ATAD3B: variants seen among roughly 807,000 people sequenced by gnomAD.
ATAD3B encodes the protein ATPase family AAA domain containing 3B.
Under a neutral mutation model 70.2 loss-of-function variants are expected in ATAD3B, and 59 were observed. The observed-to-expected ratio is 0.84, with a 90% CI of 0.68 to 1.04. The LOEUF is 1.04. Ranked by LOEUF, ATAD3B falls within the 50% of genes least tolerant of loss-of-function variation. ATAD3B has a pLI of 0.00. For synonymous variants in ATAD3B, 423 were observed against 388.6 expected (o/e 1.09, Z -1.04); for missense variants, 961 against 913.4 (o/e 1.05, Z -0.67).
intron 15 of ATAD3B, 31 bp downstream of exon 15, chr1:1,490,702 C>G (rs1421460380): frequency 1.3e-6 from 2 of 1,550,220 alleles, no homozygotes; most frequent in Non-Finnish European, 1.7e-6. Flanking sequence ...TCCACCCAGA[C>G]GGGACCCCAG....
chr1:1,493,637 A>T (rs1038216498), intron 15 of ATAD3B, among the ~76,000 whole-genome samples: 1 of 151,264 alleles, frequency 6.6e-6, no homozygotes. Context: ...TTTTTTTTTA[A>T]TCATAAAAGT....
intron 1 of ATAD3B, among the ~76,000 whole-genome samples, chr1:1,473,330 G>A (rs767329020): frequency 3.8e-4 from 57 of 148,526 alleles, no homozygotes; most frequent in Admixed American, 1.1e-3. Flanking sequence ...GGGTTTCACC[G>A]TGTTAGCCAG....
At chr1:1,501,821 A>T (rs966021723), downstream of ATAD3B, among the ~76,000 whole-genome samples, 1 of 152,014 alleles carries the variant, frequency 6.6e-6, no homozygotes, top group African/African-American at 2.4e-5. Context: ...TACATTAAGG[A>T]TAGTTGTCAG....
At chr1:1,477,556 A>G (rs1639656374) in intron 2 of ATAD3B, among the ~76,000 whole-genome samples, 1 of 151,864 alleles carries the variant, frequency 6.6e-6, no homozygotes, top group African/African-American at 2.4e-5. Context: ...AGGGAGGGTC[A>G]GTGTTGGTGA....
chr1:1,480,739 T>G lies in ATAD3B; in HGVS notation c.445-128T>G, dbSNP rs1038460155. The G allele has an allele frequency of 1.9e-5, 28 of 1,504,258 alleles. 2 individuals carry two copies. The highest frequency in any genetic ancestry group is 8.9e-5 in the Admixed American group (4 of 44,946). The allele number at this position is 1,504,258 out of a possible 1,614,324, so 93.2% of individuals were successfully genotyped here. ...CCCGTGTCTGTGTCAGGGTGCGGCGTCTGCAGGTCCCCAGGTGCCCAGGAC... is the reference window on the plus strand; with the variant it reads ...CCCGTGTCTGTGTCAGGGTGCGGCGGCTGCAGGTCCCCAGGTGCCCAGGAC... On this transcript the variant is annotated intron_variant, in intron 4 of 15. Transcript: ENST00000673477.
At position 1,480,597 on chromosome 1, in the gene ATAD3B, G is replaced by A. The variant is rs1472328386; in HGVS notation, c.445-270G>A. 2.0e-5 allele frequency among the ~76,000 whole-genome samples: 3 copies of A among 147,592 alleles called. 1 individual carries two copies. The highest frequency in any genetic ancestry group is 7.6e-5 in the African/African-American group (3 of 39,552). On this transcript the variant is annotated intron_variant, in intron 4 of 15. Coordinates refer to ENST00000673477, the MANE Select transcript of ATAD3B (RefSeq NM_031921.6). Reference sequence around the variant, plus strand: ...AGCCTGAATCAGGGCAGTGGTGTTGGGAGGTCGGCCCGCGGTGGCCCTTGT... The same window carrying A: ...AGCCTGAATCAGGGCAGTGGTGTTGAGAGGTCGGCCCGCGGTGGCCCTTGT...
rs1208758680 is a variant in ATAD3B at position 1,480,135 on chromosome 1, TCA to T, written c.445-729_445-728del. ...CACGGGCACGTGTACGCACCCCCAC[TCA>T]CAGTGTGCCTCATACATACGGGCAC... On this transcript the variant is annotated intron_variant, in intron 4 of 15. Coordinates refer to ENST00000673477, the MANE Select transcript of ATAD3B (RefSeq NM_031921.6). Among the ~76,000 whole-genome samples the T allele has an allele frequency of 2.3e-5, 3 of 129,912 alleles. 1 individual carries two copies. Among genetic ancestry groups the T allele is most frequent in the Non-Finnish European group, 4.7e-5 (3 of 63,256 alleles). The allele number at this position is 129,912 out of a possible 152,430, so 85.2% of individuals were successfully genotyped here. A position where few individuals can be genotyped will look rare whatever the true frequency, so the allele number is the denominator to read the frequency against.
At chr1:1,487,816 G>C in intron 11 of ATAD3B, 47 bp from the exon 12 acceptor site, 1 of 1,606,496 alleles carries the variant, frequency 6.2e-7, no homozygotes, top group Admixed American at 1.7e-5. Flanking sequence ...GCTGTGGGCT[G>C]CTCCTGGCGT....
intron 15 of ATAD3B, among the ~76,000 whole-genome samples, chr1:1,495,208 T>G: frequency 6.6e-6 from 1 of 151,904 alleles, no homozygotes; most frequent in South Asian, 2.1e-4. Context: ...CTGCCCTGGG[T>G]CAGCCGTCAG....
In ATAD3B at chr1:1,479,793, A is replaced by G. The variant is rs1329672924; in HGVS notation, c.444+685A>G. Reference sequence around the variant, plus strand: ...TGGGGGCTTACACACCCCCCCGCACACGTGGGCCCGCTCACACAGCCCACA... The same window carrying G: ...TGGGGGCTTACACACCCCCCCGCACGCGTGGGCCCGCTCACACAGCCCACA... On this transcript the variant is annotated intron_variant, in intron 4 of 15. Transcript: ENST00000673477. Among the ~76,000 whole-genome samples, 3 of 134,786 alleles carry G rather than the reference A, an allele frequency of 2.2e-5. 1 individual carries two copies. The highest frequency in any genetic ancestry group is 8.8e-5 in the African/African-American group (3 of 34,164). The allele number at this position is 134,786 out of a possible 152,430, so 88.4% of individuals were successfully genotyped here. A position where few individuals can be genotyped will look rare whatever the true frequency, so the allele number is the denominator to read the frequency against.
chr1:1,490,400 T>C lies in ATAD3B; in HGVS notation c.1481T>C (p.Leu494Pro), dbSNP rs1314607899. 6.2e-7 allele frequency: 1 copy of C among 1,613,372 alleles called. No homozygotes were observed. The highest frequency in any genetic ancestry group is 2.2e-5 in the East Asian group (1 of 44,890). The change falls in exon 14 of 16, where the codon CTT becomes CCT. Residue 494 changes from leucine to proline, a missense_variant. Leu to Pro is a moderately conservative substitution (Grantham distance 98, BLOSUM62 -3). Around this residue, in one of 4 missense-constraint regions of ATAD3B, gnomAD observed 417 missense variants for 335.0 expected, o/e 1.24. Coordinates refer to ENST00000673477, the MANE Select transcript of ATAD3B (RefSeq NM_031921.6). ...LVRLHFDNCV[L>P]KPATEGKRRL... The stretch of plus-strand genomic sequence containing the variant: ...AGACTGCATTTTGACAACTGTGTTC[T>C]TAAGCCGGCCACAGAAGGAAAACGG...
rs1639964469 is a variant in ATAD3B at position 1,482,391 on chromosome 1, G to T, written c.680+88G>T. 2.0e-5 allele frequency: 32 copies of T among 1,581,958 alleles called. No individual in the cohort carries two copies. The South Asian group carries it at 3.2e-4, about 16-fold the overall frequency. ...CCAGGGCGCTCTCCAGCTCTTCCAG[G>T]CCTGGCCGCCATAGGCTGACTCCTT... On this transcript the variant is annotated intron_variant, in intron 6 of 15. Transcript: ENST00000673477.
the ATAD3B span, among the ~76,000 whole-genome samples, chr1:1,505,652 C>G: frequency 3.3e-5 from 5 of 152,288 alleles, no homozygotes; most frequent in African/African-American, 1.2e-4. Context: ...AAGGAGCCCT[C>G]TGGTGGCCCT....
intron 9 of ATAD3B, 135 bp downstream of exon 9, chr1:1,485,973 C>G: frequency 1.3e-6 from 2 of 1,590,248 alleles, no homozygotes; most frequent in East Asian, 2.2e-5. Flanking sequence ...TGGACTGTGC[C>G]GGGGATAGAT....
At chr1:1,491,601 C>A (rs930567423) in intron 15 of ATAD3B, among the ~76,000 whole-genome samples, 1 of 151,888 alleles carries the variant, frequency 6.6e-6, no homozygotes, top group African/African-American at 2.4e-5. Context: ...TAGAAGGCGC[C>A]CTGGCCACAC....
At chr1:1,492,971 TGTG>T (rs1445712633) in intron 15 of ATAD3B, among the ~76,000 whole-genome samples, 1 of 146,760 alleles carries the variant, frequency 6.8e-6, no homozygotes, top group Non-Finnish European at 1.5e-5. Context: ...ATTAACCTGG[TGTG>T]GTAGCAGGCA....
Position 1,480,836 on chromosome 1 carries a change from G to T in ATAD3B, c.445-31G>T, listed in dbSNP as rs771988382. 21 of 1,593,966 alleles carry T rather than the reference G, an allele frequency of 1.3e-5. 1 individual carries two copies. The highest frequency in any genetic ancestry group is 1.8e-5 in the Non-Finnish European group (21 of 1,171,400). Reference sequence around the variant, plus strand: ...GTTGAGCATTTTTCTGGTTTTAAAGGCTTTTCTCTTTTTCTGCGGCTTCTT... The same window carrying T: ...GTTGAGCATTTTTCTGGTTTTAAAGTCTTTTCTCTTTTTCTGCGGCTTCTT... On this transcript the variant is annotated intron_variant, in intron 4 of 15. Coordinates refer to ENST00000673477, the MANE Select transcript of ATAD3B (RefSeq NM_031921.6).
In ATAD3B at chr1:1,496,199, C is replaced by T. The variant is rs1640786934; in HGVS notation, c.*382C>T. On this transcript the variant is annotated 3_prime_UTR_variant, in exon 16 of 16. Transcript: ENST00000673477. ...TTATCTAATAAAGTCCCACAGGTGCCTCACCGCCGTGTCTCTCTATTGACT... is the reference window on the plus strand; with the variant it reads ...TTATCTAATAAAGTCCCACAGGTGCTTCACCGCCGTGTCTCTCTATTGACT... The T allele has an allele frequency of 9.8e-7, 1 of 1,018,738 alleles. No homozygotes were observed. Among genetic ancestry groups the T allele is most frequent in the Admixed American group, 5.3e-5 (1 of 18,754 alleles). 63.1% of individuals were successfully genotyped at this position (1,018,738 alleles called of 1,614,324 possible). A position where few individuals can be genotyped will look rare whatever the true frequency, so the allele number is the denominator to read the frequency against.
chr1:1,481,601 G>A (rs1639906892), intron 5 of ATAD3B, among the ~76,000 whole-genome samples: 1 of 111,206 alleles, frequency 9.0e-6, no homozygotes, highest in African/African-American at 3.7e-5. Context: ...GGCTTGTGGC[G>A]AGGTGTGTGC....
Sources: gnomAD v4.1 joint callset for allele counts (sites outside exome capture counted in the v4.1 genomes callset) on GRCh38, gnomAD v4.1.1 for gene constraint, gnomAD v4.1.1 regional missense constraint, MANE v1.5 for transcripts, NCBI Gene and HGNC (gene_info 2026-07-23, HGNC 2026-07-21) for gene names.